The following CNTN4 variants were observed in gnomAD, a reference collection of about 807,000 sequenced individuals.
The protein encoded by CNTN4 is contactin-4.
Under a neutral mutation model 122.5 loss-of-function variants are expected in CNTN4, and 77 were observed. That is an observed-to-expected ratio of 0.63 (90% CI 0.52 to 0.76). The LOEUF (loss-of-function observed/expected upper bound fraction) is 0.76, where lower values mean the gene tolerates loss of function less well. Ranked by LOEUF, CNTN4 falls within the 30% of genes least tolerant of loss-of-function variation. The probability of loss-of-function intolerance (pLI) is 0.00; values close to 1 mark genes in which losing one functional copy is unlikely to be tolerated. For missense variants in CNTN4, 1,256 were observed against 1,259.1 expected, an observed-to-expected ratio of 1.00 and a Z score of 0.04; for synonymous variants, 512 against 447.0, an observed-to-expected ratio of 1.15 and a Z score of -1.83.
At chr3:2,234,494 G>T (rs1196123507) in intron 2 of CNTN4, among the ~76,000 whole-genome samples, 1 of 151,222 alleles carries the variant, frequency 6.6e-6, no homozygotes, top group Admixed American at 6.6e-5. Context: ...TATCTGATTT[G>T]ACTTTATTCC....
intron 5 of CNTN4, among the ~76,000 whole-genome samples, chr3:2,741,013 C>A (rs1004995363): frequency 6.6e-6 from 1 of 152,158 alleles, no homozygotes; most frequent in Non-Finnish European, 1.5e-5. Context: ...GAATTTTCAT[C>A]CAAGATTCAG....
At chr3:2,271,651 C>G (rs2041304212) in intron 2 of CNTN4, among the ~76,000 whole-genome samples, 1 of 152,010 alleles carries the variant, frequency 6.6e-6, no homozygotes, top group Non-Finnish European at 1.5e-5. Flanking sequence ...ACTTTTCTTC[C>G]TAGATTACCT....
intron 8 of CNTN4, among the ~76,000 whole-genome samples, chr3:2,880,037 A>C (rs2093889150): frequency 6.6e-6 from 1 of 152,150 alleles, no homozygotes; most frequent in African/African-American, 2.4e-5. Flanking sequence ...GGGCCTAAAT[A>C]GATAGGATTT....
intron 3 of CNTN4, among the ~76,000 whole-genome samples, chr3:2,429,974 TC>T (rs1014657845): frequency 6.6e-6 from 1 of 152,158 alleles, no homozygotes; most frequent in Non-Finnish European, 1.5e-5. Flanking sequence ...TGTCACGGCT[TC>T]CCTTGGTGAG....
intron 7 of CNTN4, among the ~76,000 whole-genome samples, chr3:2,861,305 C>G (rs2093669406): frequency 6.6e-6 from 1 of 152,104 alleles, no homozygotes; most frequent in South Asian, 2.1e-4. Context: ...TAATTCCAAC[C>G]CCTGTCTTTG....
chr3:2,138,935 C>CT (rs1167339932), intron 2 of CNTN4, among the ~76,000 whole-genome samples: 2 of 152,120 alleles, frequency 1.3e-5, no homozygotes, highest in African/African-American at 4.8e-5. Context: ...AGAGCTCTGA[C>CT]TAATAGAGTA....
rs538577883 is a variant in CNTN4 at position 2,439,901 on chromosome 3, A to G, written c.-89+100668A>G. Reference sequence around the variant, plus strand: ...TTTAGCTCAACACTCTGACCATTTTAAAAGCAGTGCCTTTTGAAAAAAAAT... The same window carrying G: ...TTTAGCTCAACACTCTGACCATTTTGAAAGCAGTGCCTTTTGAAAAAAAAT... On this transcript the variant is annotated intron_variant, in intron 3 of 24. Coordinates refer to ENST00000418658, the MANE Select transcript of CNTN4 (RefSeq NM_175607.3). 3.3e-5 allele frequency among the ~76,000 whole-genome samples: 5 copies of G among 152,268 alleles called. No individual in the cohort carries two copies. In the South Asian group the frequency reaches 1.0e-3, roughly 32 times the overall value.
intron 3 of CNTN4, among the ~76,000 whole-genome samples, chr3:2,511,037 C>G (rs1335893770): frequency 1.3e-5 from 2 of 152,138 alleles, no homozygotes; most frequent in African/African-American, 4.8e-5. Flanking sequence ...TCCCCAAAGA[C>G]TGACTCTGAA....
intron 2 of CNTN4, among the ~76,000 whole-genome samples, chr3:2,318,359 A>G (rs1034659609): frequency 4.6e-5 from 7 of 152,200 alleles, no homozygotes; most frequent in Admixed American, 4.6e-4. Flanking sequence ...AAGTAAGCTT[A>G]TTCCAGAAGA....
At chr3:2,603,161 A>G (rs1031420695) in intron 4 of CNTN4, among the ~76,000 whole-genome samples, 7 of 152,092 alleles carry the variant, frequency 4.6e-5, no homozygotes, top group African/African-American at 7.2e-5. Flanking sequence ...TTTAGGATGG[A>G]ACAAAGTTGC....
chr3:2,567,057 G>C (rs964068983), intron 3 of CNTN4, among the ~76,000 whole-genome samples: 1 of 150,548 alleles, frequency 6.6e-6, no homozygotes, highest in Non-Finnish European at 1.5e-5. Flanking sequence ...CACCCTCCTC[G>C]TAGACTTCAG....
chr3:2,856,865 AGGAG>A (rs907566800), intron 7 of CNTN4, among the ~76,000 whole-genome samples: 2 of 152,194 alleles, frequency 1.3e-5, no homozygotes, highest in African/African-American at 4.8e-5. Flanking sequence ...TACTTTATCC[AGGAG>A]GCAGTGGGAC....
At chr3:2,585,855 A>C (rs2080177537) in intron 4 of CNTN4, among the ~76,000 whole-genome samples, 1 of 151,054 alleles carries the variant, frequency 6.6e-6, no homozygotes. Context: ...AAAAAAGAAA[A>C]GTAACCCAAT....
At chr3:2,104,229 C>T (rs1374303230) in intron 2 of CNTN4, among the ~76,000 whole-genome samples, 9 of 135,584 alleles carry the variant, frequency 6.6e-5, no homozygotes, top group East Asian at 2.0e-4. Context: ...TTTATGTCTA[C>T]GTGTGTGTGT....
intron 2 of CNTN4, among the ~76,000 whole-genome samples, chr3:2,115,068 T>C (rs2033247447): frequency 6.6e-6 from 1 of 152,174 alleles, no homozygotes; most frequent in Non-Finnish European, 1.5e-5. Flanking sequence ...CCCACCCTCC[T>C]AATAGGCAGT....
chr3:2,750,011 G>A (rs2090013983), intron 6 of CNTN4, among the ~76,000 whole-genome samples: 1 of 152,160 alleles, frequency 6.6e-6, no homozygotes, highest in African/African-American at 2.4e-5. Flanking sequence ...CCATGCAAGT[G>A]AGAATATTTC....
intron 3 of CNTN4, among the ~76,000 whole-genome samples, chr3:2,441,281 T>C (rs2048429343): frequency 1.3e-5 from 2 of 152,202 alleles, no homozygotes; most frequent in Admixed American, 6.5e-5. Context: ...GACTATGATA[T>C]GCAGTAATAA....
chr3:2,121,279 C>T (rs552037750), intron 2 of CNTN4, among the ~76,000 whole-genome samples: 70 of 152,240 alleles, frequency 4.6e-4, no homozygotes, highest in African/African-American at 1.4e-3. Flanking sequence ...GCGGGCAGAT[C>T]ACGAGGTCAG....
intron 14 of CNTN4, among the ~76,000 whole-genome samples, chr3:3,013,559 G>C (rs1445849027): frequency 6.6e-6 from 1 of 152,048 alleles, no homozygotes; most frequent in African/African-American, 2.4e-5. Flanking sequence ...TGACCGCCAG[G>C]GTGCCCAAGT....
Sources: gnomAD v4.1 joint callset for allele counts (sites outside exome capture counted in the v4.1 genomes callset) on GRCh38, gnomAD v4.1.1 for gene constraint, MANE v1.5 for transcripts, NCBI Gene and HGNC (gene_info 2026-07-23, HGNC 2026-07-21) for gene names.